TRIM66: variants seen among roughly 807,000 people sequenced by gnomAD.
TRIM66 encodes the protein tripartite motif-containing protein 66.
TRIM66 carries 99 observed loss-of-function variants against 148.2 expected under a neutral mutation model. The observed-to-expected ratio is 0.67, with a 90% CI of 0.57 to 0.79. The LOEUF (loss-of-function observed/expected upper bound fraction) is 0.79, where lower values mean the gene tolerates loss of function less well. Ranked by LOEUF, TRIM66 falls within the 30% of genes least tolerant of loss-of-function variation. The pLI is 0.00. For synonymous variants in TRIM66, 616 were observed against 635.9 expected (o/e 0.97, Z 0.47); for missense variants, 1,666 against 1,697.9 (o/e 0.98, Z 0.33).
intron 7 of TRIM66, 144 bp downstream of exon 7, chr11:8,651,656 T>C: frequency 1.3e-6 from 1 of 753,882 alleles, no homozygotes; most frequent in Non-Finnish European, 2.3e-6. Context: ...TATTTTCTTC[T>C]AGATGGATGG....
chr11:8,640,110 G>C (rs2036232819), intron 14 of TRIM66, 117 bp downstream of exon 14: 1 of 1,041,616 alleles, frequency 9.6e-7, no homozygotes, highest in Non-Finnish European at 1.4e-6. Context: ...CTGAGCTCAA[G>C]GCAGCCCTAA....
chr11:8,625,268 C>T, intron 15 of TRIM66, 40 bp from the exon 16 acceptor site: 1 of 1,459,018 alleles, frequency 6.9e-7, no homozygotes, highest in Non-Finnish European at 9.1e-7. Flanking sequence ...AGGCTGCTAG[C>T]TGGGAATGGA....
chr11:8,622,755 G>C (rs1273751855), intron 18 of TRIM66, 61 bp downstream of exon 18: 1 of 1,455,608 alleles, frequency 6.9e-7, no homozygotes, highest in Non-Finnish European at 9.4e-7. Context: ...CTTCATCCCT[G>C]TGCCAGCATC....
chr11:8,680,582 C>G (rs1320260403), intron 1 of TRIM66: 1 of 152,066 alleles, frequency 6.6e-6, no homozygotes, highest in Non-Finnish European at 1.5e-5. Flanking sequence ...GACAATGGTG[C>G]CACTCACCAA....
At chr11:8,631,831 A>G (rs1359633236) in intron 15 of TRIM66, among the ~76,000 whole-genome samples, 1 of 152,228 alleles carries the variant, frequency 6.6e-6, no homozygotes, top group Admixed American at 6.5e-5. Flanking sequence ...AATATAATGC[A>G]TGAGTTTTGT....
At chr11:8,651,721 G>A in intron 7 of TRIM66, 79 bp downstream of exon 7, 2 of 1,083,396 alleles carry the variant, frequency 1.8e-6, no homozygotes, top group Admixed American at 2.0e-5. Context: ...TAGAGTGATG[G>A]ATGGATAGAA....
chr11:8,667,454 T>C (rs2038672406), intron 6 of TRIM66, among the ~76,000 whole-genome samples: 1 of 152,146 alleles, frequency 6.6e-6, no homozygotes, highest in Non-Finnish European at 1.5e-5. Flanking sequence ...AAATCATATA[T>C]CTAATAAGAG....
At chr11:8,652,865 A>C (rs2037481880) in intron 6 of TRIM66, among the ~76,000 whole-genome samples, 1 of 152,262 alleles carries the variant, frequency 6.6e-6, no homozygotes, top group South Asian at 2.1e-4. Context: ...GTTGCTCCAG[A>C]CTTATAGTCA....
chr11:8,630,711 C>A (rs377014508), intron 15 of TRIM66, among the ~76,000 whole-genome samples: 1 of 152,114 alleles, frequency 6.6e-6, no homozygotes, highest in Admixed American at 6.5e-5. Context: ...CTGTCCCTTT[C>A]CTCTTGCCTC....
rs976771439 is a variant in TRIM66 at position 8,624,853 on chromosome 11, C to T, written c.2686G>A (p.Ala896Thr). 21 of 1,551,602 alleles carry T rather than the reference C, an allele frequency of 1.4e-5. No individual in the cohort carries two copies. The highest frequency in any genetic ancestry group is 3.9e-5 in the Admixed American group (2 of 50,990). ...SGHTQAVPSL[A>T]TCPLQSIPPV... ...GGGATGCTCTGCAGAGGACAAGTTG[C>T]CAGACTCGGCACAGCCTGGGTGTGA... Residue 896 changes from alanine to threonine, a missense_variant, in exon 16 of 25, where the codon GCA (alanine) becomes ACA (threonine). Transcript: ENST00000646038.
chr11:8,670,902 T>A (rs1354141535), intron 6 of TRIM66, among the ~76,000 whole-genome samples: 1 of 152,092 alleles, frequency 6.6e-6, no homozygotes, highest in Non-Finnish European at 1.5e-5. Flanking sequence ...TTTTTAAAAC[T>A]CTATTATCAC....
At chr11:8,637,173 A>C (rs2035950959) in intron 15 of TRIM66, among the ~76,000 whole-genome samples, 1 of 152,118 alleles carries the variant, frequency 6.6e-6, no homozygotes. Flanking sequence ...GCACTTTACC[A>C]CAATTTATTA....
At chr11:8,619,064 G>T in intron 23 of TRIM66, 96 bp from the exon 24 acceptor site, 1 of 1,182,100 alleles carries the variant, frequency 8.5e-7, no homozygotes, top group Non-Finnish European at 1.2e-6. Flanking sequence ...AAGCCTAGCG[G>T]GGTGTCCTGA....
At position 8,651,827 on chromosome 11, in the gene TRIM66, A is replaced by T; in HGVS notation, c.417T>A (p.Val139=). The T allele has an allele frequency of 1.3e-6, 2 of 1,551,782 alleles. No individual in the cohort carries two copies. The highest frequency in any genetic ancestry group is 1.7e-6 in the Non-Finnish European group (2 of 1,147,004). Reference sequence around the variant, plus strand: ...TGGCCATCTTGGGTTGCTCAGTAGGAACACAATGCAGAAAAAAATGTTCAG... The same window carrying T: ...TGGCCATCTTGGGTTGCTCAGTAGGTACACAATGCAGAAAAAAATGTTCAG... ...DVTEHFFLHC[V]PTEQPKMARN... The change falls in exon 7 of 25, where the codon GTT becomes GTA. Residue 139 remains valine (V), a synonymous_variant. Coordinates refer to ENST00000646038, the MANE Select transcript of TRIM66 (RefSeq NM_001388022.1).
At chr11:8,675,344 T>C (rs1226285268) in intron 3 of TRIM66, among the ~76,000 whole-genome samples, 2 of 152,346 alleles carry the variant, frequency 1.3e-5, no homozygotes, top group South Asian at 2.1e-4. Context: ...TGAGAAAATA[T>C]CGGACAAATT....
intron 6 of TRIM66, among the ~76,000 whole-genome samples, chr11:8,656,330 C>T (rs554225645): frequency 6.2e-4 from 95 of 152,068 alleles, no homozygotes; most frequent in Non-Finnish European, 1.1e-3. Context: ...AGATATCATG[C>T]TTTTTTCTAT....
intron 6 of TRIM66, among the ~76,000 whole-genome samples, chr11:8,670,142 AG>A (rs1465221527): frequency 6.6e-6 from 1 of 151,768 alleles, no homozygotes; most frequent in Non-Finnish European, 1.5e-5. Context: ...CCTCCCGAGT[AG>A]CTGGGACTAT....
intron 1 of TRIM66, among the ~76,000 whole-genome samples, chr11:8,681,824 A>T (rs2039443813): frequency 6.6e-6 from 1 of 152,172 alleles, no homozygotes; most frequent in Middle Eastern, 3.2e-3. Flanking sequence ...GTGTGGTGGT[A>T]CAGGTGGGGA....
intron 6 of TRIM66, among the ~76,000 whole-genome samples, chr11:8,656,125 T>C (rs745675618): frequency 6.6e-6 from 1 of 152,246 alleles, no homozygotes. Flanking sequence ...CATCAAGCTG[T>C]GTCAACCTTG....
Sources: allele counts gnomAD v4.1 joint callset (sites outside exome capture counted in the v4.1 genomes callset), GRCh38; gene constraint gnomAD v4.1.1; transcripts MANE v1.5; gene names NCBI Gene and HGNC (gene_info 2026-07-23, HGNC 2026-07-21).